C1QL1: variants seen among roughly 807,000 people sequenced by gnomAD.
The protein encoded by C1QL1 is complement C1q like 1.
In C1QL1, 15 loss-of-function variants were observed where a neutral mutation model predicts 14.2. That is an observed-to-expected ratio of 1.06 (90% CI 0.71 to 1.62). C1QL1 has a LOEUF of 1.62. C1QL1 is among the 40% of genes most tolerant of loss of function. C1QL1 has a pLI of 0.00. For missense variants in C1QL1, 346 were observed against 380.3 expected, an observed-to-expected ratio of 0.91 and a Z score of 0.75; for synonymous variants, 172 against 172.4, an observed-to-expected ratio of 1.00 and a Z score of 0.02.
intron 1 of C1QL1, among the ~76,000 whole-genome samples, chr17:44,966,434 G>A (rs2052657483): frequency 3.3e-5 from 5 of 152,192 alleles, no homozygotes; most frequent in Admixed American, 3.3e-4. Flanking sequence ...CCCCTTCTTC[G>A]AAGAGAATGC....
In C1QL1 at chr17:44,960,363, C is replaced by G. The variant is rs751189068; in HGVS notation, c.602G>C (p.Arg201Pro). The change falls in exon 2 of 2, where the codon CGG becomes CCG. Residue 201 changes from arginine to proline, a missense_variant. Arg to Pro is a moderately radical substitution (Grantham distance 103). Transcript: ENST00000253407. ...CGCGTCCTGGGCAATAGCACTGGCC[C>G]GCACCTGCGGGTGGGGGACACGGGA... ...WADLCKNGQV[R>P]ASAIAQDADQ... The G allele has an allele frequency of 2.5e-6, 4 of 1,612,572 alleles. No homozygotes were observed. Among genetic ancestry groups the G allele is most frequent in the Non-Finnish European group, 1.7e-6 (2 of 1,179,332 alleles).
chr17:44,962,960 G>A (rs1194090207), intron 1 of C1QL1, among the ~76,000 whole-genome samples: 1 of 152,204 alleles, frequency 6.6e-6, no homozygotes, highest in East Asian at 1.9e-4. Context: ...TAGATGGTGG[G>A]GGATCCAAGA....
In C1QL1 at chr17:44,967,472, C is replaced by A; in HGVS notation, c.577G>T (p.Asp193Tyr). The change falls in exon 1 of 2, where the codon GAC becomes TAC. Residue 193 changes from aspartate (D) to tyrosine (Y), a missense_variant. Asp to Tyr is a radical substitution (Grantham distance 160). Coordinates refer to ENST00000253407, the MANE Select transcript of C1QL1 (RefSeq NM_006688.5). The surrounding 1 kb of genome is among the most constrained non-coding windows in gnomAD (Gnocchi z 7.0). The part of the protein sequence containing the change: ...RGGDGTSMWA[D>Y]LCKNGQVRAS... ...CCCACCTGGCCATTCTTGCAGAGGTCTGCCCACATACTGGTGCCGTCGCCG... is the reference window on the plus strand; with the variant it reads ...CCCACCTGGCCATTCTTGCAGAGGTATGCCCACATACTGGTGCCGTCGCCG... 1 of 1,613,816 alleles carries A rather than the reference C, an allele frequency of 6.2e-7. No homozygotes were observed. Among genetic ancestry groups the A allele is most frequent in the Non-Finnish European group, 8.5e-7 (1 of 1,179,876 alleles).
In C1QL1 at chr17:44,966,442, T is replaced by A. The variant is rs1597910721; in HGVS notation, c.597+1010A>T. 2.6e-5 allele frequency among the ~76,000 whole-genome samples: 4 copies of A among 152,210 alleles called. No homozygotes were observed. In the South Asian group the frequency reaches 8.3e-4, roughly 31 times the overall value. ...CAGTGGTCCCCTTCTTCGAAGAGAA[T>A]GCTCAGCCTGACCACACCCCCAGGT... On this transcript the variant is annotated intron_variant, in intron 1 of 1. Coordinates refer to ENST00000253407, the MANE Select transcript of C1QL1 (RefSeq NM_006688.5).
chr17:44,967,553 AC>A lies in C1QL1; in HGVS notation c.495del (p.Lys165AsnfsTer56). On this transcript the variant is annotated frameshift_variant, in exon 1 of 2. Transcript: ENST00000253407. LOFTEE classifies it high-confidence loss of function. The surrounding 1 kb of genome is among the most constrained non-coding windows in gnomAD (Gnocchi z 7.0). ...TAGGTGCCGGGAATGTTGCACGTAA[AC>A]TTGCCGCTGGCCGCGTCGTAGTTGT... ...LGNNYDAASG[K>X]FTCNIPGTYF... is the part of the protein sequence containing the mutation. The A allele has an allele frequency of 6.2e-7, 1 of 1,614,062 alleles. No individual in the cohort carries two copies. Among genetic ancestry groups the A allele is most frequent in the Non-Finnish European group, 8.5e-7 (1 of 1,179,938 alleles).
rs2052661840 is a variant in C1QL1 at position 44,967,305 on chromosome 17, A to AG, written c.597+146_597+147insC. The AG allele has an allele frequency of 7.2e-6, 6 of 829,204 alleles. No individual in the cohort carries two copies. The Admixed American group carries it at 8.1e-5, about 11-fold the overall frequency. 51.4% of individuals were successfully genotyped at this position (829,204 alleles called of 1,614,324 possible). The stretch of plus-strand genomic sequence containing the variant: ...GTCCGCTGGCTCCGACCATCCCCAC[A>AG]CGTGATGACCAAGCGGGGCCGCTGT... On this transcript the variant is annotated intron_variant, in intron 1 of 1. Coordinates refer to ENST00000253407, the MANE Select transcript of C1QL1 (RefSeq NM_006688.5). This position sits in a 1 kb window ranked among gnomAD's most constrained non-coding sequence, Gnocchi z 7.0.
intron 1 of C1QL1, among the ~76,000 whole-genome samples, chr17:44,961,918 G>C (rs2052629871): frequency 1.3e-5 from 2 of 151,318 alleles, no homozygotes; most frequent in South Asian, 4.2e-4. Flanking sequence ...AAAAGAGAGA[G>C]AGAGAGAGAG....
intron 1 of C1QL1, among the ~76,000 whole-genome samples, chr17:44,961,600 A>T (rs2052627295): frequency 6.8e-6 from 1 of 146,800 alleles, no homozygotes. Flanking sequence ...TCAAAAAAAA[A>T]AAAAGGCCAG....
intron 1 of C1QL1, among the ~76,000 whole-genome samples, chr17:44,966,413 T>C (rs2052657386): frequency 6.6e-6 from 1 of 152,236 alleles, no homozygotes; most frequent in Non-Finnish European, 1.5e-5. Context: ...GCTTTAGTTC[T>C]GACCAGTGGT....
chr17:44,960,357 C>T lies in C1QL1; in HGVS notation c.608G>A (p.Ser203Asn). 2 of 1,613,360 alleles carry T rather than the reference C, an allele frequency of 1.2e-6. No individual in the cohort carries two copies. The highest frequency in any genetic ancestry group is 8.5e-7 in the Non-Finnish European group (1 of 1,179,748). The change falls in exon 2 of 2, where the codon AGT becomes AAT. Residue 203 changes from serine (S) to asparagine (N), a missense_variant. Coordinates refer to ENST00000253407, the MANE Select transcript of C1QL1 (RefSeq NM_006688.5). ...DLCKNGQVRA[S>N]AIAQDADQNY... ...CTGGTCCGCGTCCTGGGCAATAGCA[C>T]TGGCCCGCACCTGCGGGTGGGGGAC... is the stretch of plus-strand genomic sequence containing the variant.
At position 44,960,200 on chromosome 17, in the gene C1QL1, G is replaced by A; in HGVS notation, c.765C>T (p.Ile255=). Residue 255 remains isoleucine, a synonymous_variant, in exon 2 of 2, where the codon ATC becomes ATT. Coordinates refer to ENST00000253407, the MANE Select transcript of C1QL1 (RefSeq NM_006688.5). ...NKYSTFSGFI[I]YSD ...AGACGTGGGGAGCTCAGTCGGAGTAGATGATGAAGCCAGAGAACGTGCTGT... is the reference window on the plus strand; with the variant it reads ...AGACGTGGGGAGCTCAGTCGGAGTAAATGATGAAGCCAGAGAACGTGCTGT... 1.2e-6 allele frequency: 2 copies of A among 1,614,114 alleles called. No homozygotes were observed. Among genetic ancestry groups the A allele is most frequent in the Non-Finnish European group, 1.7e-6 (2 of 1,179,964 alleles).
rs1159697987 is a variant in C1QL1 at position 44,968,262 on chromosome 17, C to T, written c.-214G>A. 6.7e-6 allele frequency among the ~76,000 whole-genome samples: 1 copy of T among 149,164 alleles called. No individual in the cohort carries two copies. The highest frequency in any genetic ancestry group is 1.5e-5 in the Non-Finnish European group (1 of 66,930). On this transcript the variant is annotated 5_prime_UTR_variant, in exon 1 of 2. Transcript: ENST00000253407. Reference sequence around the variant, plus strand: ...TGGCTGCGCTGCGGAGCCCAGCCGCCGGCTCCTGCCTCGCGCCTCCCTCCT... The same window carrying T: ...TGGCTGCGCTGCGGAGCCCAGCCGCTGGCTCCTGCCTCGCGCCTCCCTCCT...
intron 1 of C1QL1, among the ~76,000 whole-genome samples, chr17:44,961,908 AAAAGAG>A (rs1567808889): frequency 3.6e-5 from 5 of 138,814 alleles, no homozygotes; most frequent in African/African-American, 8.1e-5. Context: ...AAAAAAAAAA[AAAAGAG>A]AGAGAGAGAG....
At chr17:44,964,838 C>CTTTTG (rs1479608198) in intron 1 of C1QL1, among the ~76,000 whole-genome samples, 3 of 151,294 alleles carry the variant, frequency 2.0e-5, no homozygotes, top group African/African-American at 7.3e-5. Context: ...TTTATCTTTT[C>CTTTTG]TTTTCTTTTC....
At chr17:44,965,213 C>T (rs1449285071) in intron 1 of C1QL1, among the ~76,000 whole-genome samples, 3 of 152,158 alleles carry the variant, frequency 2.0e-5, no homozygotes, top group Non-Finnish European at 4.4e-5. Flanking sequence ...GGGGTTTCAC[C>T]GTGTTAGCCA....
intron 1 of C1QL1, among the ~76,000 whole-genome samples, chr17:44,960,773 T>C (rs1025358423): frequency 5.3e-4 from 80 of 152,352 alleles, no homozygotes; most frequent in Non-Finnish European, 2.9e-5. Context: ...TCCTCTCTGC[T>C]TTCATAATGA....
intron 1 of C1QL1, among the ~76,000 whole-genome samples, chr17:44,962,185 G>A (rs528950390): frequency 6.6e-6 from 1 of 152,218 alleles, no homozygotes; most frequent in East Asian, 1.9e-4. Context: ...CAACTCCCAG[G>A]GCTGAAGTCT....
chr17:44,965,800 T>A (rs144944566), intron 1 of C1QL1, among the ~76,000 whole-genome samples: 2 of 152,156 alleles, frequency 1.3e-5, no homozygotes, highest in Non-Finnish European at 2.9e-5. Context: ...AAGCTGCCAA[T>A]CCCCTGAAAC....
In C1QL1 at chr17:44,968,222, G is replaced by A. The variant is rs2052669847; in HGVS notation, c.-174C>T. 6.8e-6 allele frequency among the ~76,000 whole-genome samples: 1 copy of A among 147,050 alleles called. No individual in the cohort carries two copies. Among genetic ancestry groups the A allele is most frequent in the South Asian group, 2.1e-4 (1 of 4,810 alleles). Reference sequence around the variant, plus strand: ...GCTGCGGGCATGGGGCCGGGCCCGGGGCGCCGCGCTGCGCTGGCTGCGCTG... The same window carrying A: ...GCTGCGGGCATGGGGCCGGGCCCGGAGCGCCGCGCTGCGCTGGCTGCGCTG... On this transcript the variant is annotated 5_prime_UTR_variant, in exon 1 of 2. Transcript: ENST00000253407.
Sources: allele counts gnomAD v4.1 joint callset (sites outside exome capture counted in the v4.1 genomes callset), GRCh38; gene constraint gnomAD v4.1.1; non-coding constraint Gnocchi (gnomAD v3.1); transcripts MANE v1.5; gene names NCBI Gene and HGNC (gene_info 2026-07-23, HGNC 2026-07-21).